THSD4: variants seen among roughly 807,000 people sequenced by gnomAD.
THSD4 encodes thrombospondin type 1 domain containing 4.
In THSD4, 69 loss-of-function variants were observed where a neutral mutation model predicts 119.0. That is an observed-to-expected ratio of 0.58 (90% CI 0.48 to 0.71). THSD4 has a LOEUF of 0.71. Among genes scored for constraint, THSD4 ranks in the 30% least tolerant of loss-of-function variants. THSD4 has a pLI of 0.00. For synonymous variants in THSD4, 524 were observed against 540.4 expected, an observed-to-expected ratio of 0.97 and a Z score of 0.42; for missense variants, 1,393 against 1,391.1, an observed-to-expected ratio of 1.00 and a Z score of -0.02.
At chr15:71,137,383 G>A (rs539506643) in intron 1 of THSD4, among the ~76,000 whole-genome samples, 7 of 152,258 alleles carry the variant, frequency 4.6e-5, no homozygotes, top group African/African-American at 1.7e-4. Context: ...CTTTGCCTTG[G>A]CTTCTAGGTT....
At chr15:71,155,579 A>G (rs769129936) in intron 3 of THSD4, among the ~76,000 whole-genome samples, 16 of 152,238 alleles carry the variant, frequency 1.1e-4, no homozygotes, top group Middle Eastern at 3.4e-3. Context: ...GACAGTTGAG[A>G]GGTCAGTGAG....
intron 8 of THSD4, among the ~76,000 whole-genome samples, chr15:71,674,823 C>T (rs879723754): frequency 6.6e-6 from 1 of 152,098 alleles, no homozygotes; most frequent in Non-Finnish European, 1.5e-5. Flanking sequence ...GCTGCTGAAC[C>T]TTCCACAGTG....
chr15:71,383,641 A>C (rs965338360), intron 6 of THSD4, among the ~76,000 whole-genome samples: 2 of 152,210 alleles, frequency 1.3e-5, no homozygotes, highest in South Asian at 4.1e-4. Context: ...AAGGATTTCA[A>C]AATAGCCAGC....
chr15:71,441,365 C>A (rs2140556280), intron 7 of THSD4, among the ~76,000 whole-genome samples: 2 of 34,538 alleles, frequency 5.8e-5, no homozygotes, highest in Middle Eastern at 0.019. Context: ...TGGAAGAAAG[C>A]CTCAGTGTCC....
intron 7 of THSD4, among the ~76,000 whole-genome samples, chr15:71,541,097 A>T (rs1595869807): frequency 1.3e-5 from 2 of 152,310 alleles, no homozygotes. Context: ...GGTATATAGA[A>T]ATGCTGTCCA....
At chr15:71,319,964 G>A (rs1837762) in intron 6 of THSD4, among the ~76,000 whole-genome samples, 21,084 of 152,142 alleles carry the variant, frequency 0.14, 1,757 homozygotes, top group African/African-American at 0.23. Flanking sequence ...AGGACGGTAT[G>A]GTAACTAGAC....
chr15:71,450,651 AT>A (rs2047250568), intron 7 of THSD4, among the ~76,000 whole-genome samples: 2 of 152,328 alleles, frequency 1.3e-5, no homozygotes, highest in Admixed American at 1.3e-4. Flanking sequence ...CTCAGCTCAA[AT>A]TGTTCACAAG....
At chr15:71,605,013 C>T (rs1309317698) in intron 7 of THSD4, among the ~76,000 whole-genome samples, 2 of 151,818 alleles carry the variant, frequency 1.3e-5, no homozygotes, top group Non-Finnish European at 2.9e-5. Context: ...GTATTTGCTC[C>T]GAGACCCAAA....
chr15:71,241,868 C>T lies in THSD4; in HGVS notation c.465-781C>T, dbSNP rs140025758. Among the ~76,000 whole-genome samples, 367 of 152,246 alleles carry T rather than the reference C, an allele frequency of 2.4e-3. 2 individuals are homozygous for T. The highest frequency in any genetic ancestry group is 8.2e-3 in the African/African-American group (342 of 41,542). On this transcript the variant is annotated intron_variant, in intron 4 of 17. Transcript: ENST00000261862. ...CTTTGAATGCAGCCCAACACAAATT[C>T]GTAAACTTTCTTAAAACATTATGAG...
intron 7 of THSD4, among the ~76,000 whole-genome samples, chr15:71,438,112 C>A (rs1447969063): frequency 6.6e-6 from 1 of 152,214 alleles, no homozygotes; most frequent in Non-Finnish European, 1.5e-5. Context: ...CTGGTCCCAG[C>A]TCTGTGCAGT....
In THSD4 at chr15:71,708,296, GT is replaced by G. The variant is rs542839716; in HGVS notation, c.1358-20249del. Among the ~76,000 whole-genome samples, 80 of 152,296 alleles carry G rather than the reference GT, an allele frequency of 5.3e-4. 1 individual carries two copies. Among genetic ancestry groups the G allele is most frequent in the Admixed American group, 4.7e-3 (72 of 15,298 alleles). On this transcript the variant is annotated intron_variant, in intron 8 of 17. Coordinates refer to ENST00000261862, the MANE Select transcript of THSD4 (RefSeq NM_024817.3). ...TAATAAAAAGCACCACTTCTAGACA[GT>G]TTTATGACTGTTTTTCATCCTCTGT...
intron 8 of THSD4, among the ~76,000 whole-genome samples, chr15:71,703,835 A>G (rs2052340594): frequency 6.6e-6 from 1 of 151,924 alleles, no homozygotes; most frequent in Non-Finnish European, 1.5e-5. Flanking sequence ...CTCTACAAAG[A>G]TTGGGGTTTT....
intron 7 of THSD4, among the ~76,000 whole-genome samples, chr15:71,444,483 C>T (rs1003376665): frequency 3.3e-5 from 5 of 152,212 alleles, no homozygotes; most frequent in Non-Finnish European, 4.4e-5. Flanking sequence ...ATCCATGTGT[C>T]GTCTGTAGCC....
At chr15:71,722,080 G>T (rs2052734021) in intron 8 of THSD4, among the ~76,000 whole-genome samples, 1 of 152,090 alleles carries the variant, frequency 6.6e-6, no homozygotes, top group Admixed American at 6.5e-5. Context: ...GTTAAAGCTT[G>T]ACCTTCAGTG....
At chr15:71,387,276 C>G (rs1014394669) in intron 6 of THSD4, among the ~76,000 whole-genome samples, 1 of 151,796 alleles carries the variant, frequency 6.6e-6, no homozygotes, top group African/African-American at 2.4e-5. Flanking sequence ...TGGGTGAACT[C>G]AGGTGTTAGG....
chr15:71,683,913 G>A (rs919532008), intron 8 of THSD4, among the ~76,000 whole-genome samples: 5 of 152,296 alleles, frequency 3.3e-5, no homozygotes, highest in Middle Eastern at 3.4e-3. Context: ...AGGCAAGGTT[G>A]CAGTGAGCCA....
At chr15:71,480,746 T>C (rs1271119119) in intron 7 of THSD4, among the ~76,000 whole-genome samples, 2 of 152,192 alleles carry the variant, frequency 1.3e-5, no homozygotes, top group Admixed American at 1.3e-4. Context: ...TAGTCACAAA[T>C]ATTCCATTGG....
At chr15:71,473,618 A>G (rs2047614727) in intron 7 of THSD4, among the ~76,000 whole-genome samples, 2 of 152,182 alleles carry the variant, frequency 1.3e-5, no homozygotes, top group South Asian at 4.1e-4. Flanking sequence ...CCCCAATCCT[A>G]TACAGAGAAA....
intron 1 of THSD4, among the ~76,000 whole-genome samples, chr15:71,107,358 G>GA (rs1458343706): frequency 6.7e-6 from 1 of 148,536 alleles, no homozygotes; most frequent in Non-Finnish European, 1.5e-5. Flanking sequence ...AAGAAAGAAA[G>GA]AAGGAAAGAG....
Sources: allele counts gnomAD v4.1 joint callset (sites outside exome capture counted in the v4.1 genomes callset), GRCh38; gene constraint gnomAD v4.1.1; transcripts MANE v1.5; gene names NCBI Gene and HGNC (gene_info 2026-07-23, HGNC 2026-07-21).